ATAD2: variants seen among roughly 807,000 people sequenced by gnomAD.
ATAD2 encodes ATPase family AAA domain containing 2.
In ATAD2, 62 loss-of-function variants were observed where a neutral mutation model predicts 168.9. The observed-to-expected ratio is 0.37, with a 90% confidence interval of 0.30 to 0.45. The LOEUF is 0.45. Among genes scored for constraint, ATAD2 ranks in the 20% least tolerant of loss-of-function variants. The pLI, the probability that ATAD2 is intolerant of heterozygous loss-of-function variation, is 1.00. For synonymous variants in ATAD2, 613 were observed against 571.6 expected, an observed-to-expected ratio of 1.07 and a Z score of -1.03; for missense variants, 1,419 against 1,667.8, an observed-to-expected ratio of 0.85 and a Z score of 2.60.
chr8:123,352,364 A>G (rs959083822), intron 13 of ATAD2: 4 of 154,016 alleles, frequency 2.6e-5, no homozygotes, highest in African/African-American at 9.6e-5. Context: ...AGTACCACCT[A>G]TGGAAGAAGC....
At chr8:123,348,414 C>T (rs1828326185) in intron 14 of ATAD2, 141 bp from the exon 15 acceptor site, 3 of 577,048 alleles carry the variant, frequency 5.2e-6, no homozygotes, top group African/African-American at 2.0e-5. Flanking sequence ...CGGTGGCTCA[C>T]ACCTGTAATC....
At chr8:123,404,967 A>G (rs1237024008) in intron 1 of ATAD2, among the ~76,000 whole-genome samples, 1 of 152,186 alleles carries the variant, frequency 6.6e-6, no homozygotes, top group Admixed American at 6.5e-5. Flanking sequence ...TCACATTCAC[A>G]CATAAGAGGG....
intron 1 of ATAD2, among the ~76,000 whole-genome samples, chr8:123,389,960 T>TTATATATATATATATATATATATA (rs386360951): frequency 1.6e-4 from 15 of 94,046 alleles, no homozygotes; most frequent in Non-Finnish European, 1.9e-4. Context: ...TACTATTATT[T>TTATATATATATATATATATATATA]TATATATATA....
intron 1 of ATAD2, among the ~76,000 whole-genome samples, chr8:123,392,029 C>T (rs1829837983): frequency 6.6e-6 from 1 of 152,172 alleles, no homozygotes; most frequent in Admixed American, 6.5e-5. Context: ...TCTAATTGCT[C>T]AACCACCATA....
intron 1 of ATAD2, among the ~76,000 whole-genome samples, chr8:123,391,574 A>C (rs1160399531): frequency 6.6e-6 from 1 of 150,602 alleles, no homozygotes; most frequent in Non-Finnish European, 1.5e-5. Context: ...AAATGTAACC[A>C]CCCATAAAAG....
chr8:123,377,091 C>CAAAAAAAAAAAAAAAAAAAAA lies in ATAD2; in HGVS notation c.320+3417_320+3437dup. Among the ~76,000 whole-genome samples, 71 of 27,246 alleles carry CAAAAAAAAAAAAAAAAAAAAA rather than the reference C, an allele frequency of 2.6e-3. 22 individuals carry two copies. The highest frequency in any genetic ancestry group is 0.01 in the African/African-American group (59 of 5,796). 17.9% of individuals were successfully genotyped at this position (27,246 alleles called of 152,430 possible). ...GGGCAAAAAGAGTGAGACTCCGTCT[C>CAAAAAAAAAAAAAAAAAAAAA]AAAAAAAAAAAAAAAAAAAAAGAGC... is the stretch of plus-strand genomic sequence containing the variant. On this transcript the variant is annotated intron_variant, in intron 2 of 27. Transcript: ENST00000287394.
rs1586864077 is a variant in ATAD2, at chr8:123,339,501, T to TA, written c.2719-56dup. The TA allele has an allele frequency of 3.5e-6, 5 of 1,448,238 alleles. No individual in the cohort carries two copies. In the East Asian group the frequency reaches 1.2e-4, roughly 35 times the overall value. The allele number at this position is 1,448,238 out of a possible 1,614,324, so 89.7% of individuals were successfully genotyped here. A position where few individuals can be genotyped will look rare whatever the true frequency, so the allele number is the denominator to read the frequency against. ...TCATATATACAGATGATCCCCAACT[T>TA]ACAATGGTTCAATTTACAATTTTTA... On this transcript the variant is annotated intron_variant, in intron 19 of 27. Transcript: ENST00000287394.
At chr8:123,380,501 G>A in intron 2 of ATAD2, 28 bp downstream of exon 2, 1 of 1,606,888 alleles carries the variant, frequency 6.2e-7, no homozygotes. Flanking sequence ...AAACTATTTT[G>A]AATTAGTGTT....
chr8:123,376,169 G>T (rs891608462), intron 2 of ATAD2, among the ~76,000 whole-genome samples: 3 of 151,950 alleles, frequency 2.0e-5, no homozygotes, highest in Non-Finnish European at 4.4e-5. Context: ...ACTTTGGGAG[G>T]CCTAGACGGG....
chr8:123,371,256 C>T lies in ATAD2; in HGVS notation c.619G>A (p.Val207Met). 6.2e-7 allele frequency: 1 copy of T among 1,607,896 alleles called. No individual in the cohort carries two copies. The highest frequency in any genetic ancestry group is 1.3e-5 in the African/African-American group (1 of 74,852). ...TTTACTTCTTCTGTTTCATTAAACA[C>T]TCCCAAGTCTTCAAGTTCTCTCATT... Reference protein sequence around the residue: ...QRMRELEDLGVFNETEESNLN... With the variant: ...QRMRELEDLGMFNETEESNLN... The change falls in exon 5 of 28, where the codon GTG (valine) becomes ATG (methionine). Residue 207 changes from valine to methionine, a missense_variant. Coordinates refer to ENST00000287394, the MANE Select transcript of ATAD2 (RefSeq NM_014109.4).
chr8:123,373,846 T>C (rs1309214368), intron 2 of ATAD2, among the ~76,000 whole-genome samples: 1 of 151,938 alleles, frequency 6.6e-6, no homozygotes, highest in Non-Finnish European at 1.5e-5. Flanking sequence ...CATTAATTTG[T>C]TTTTAGTGAC....
intron 13 of ATAD2, among the ~76,000 whole-genome samples, chr8:123,351,186 G>A (rs947802526): frequency 6.6e-6 from 1 of 152,114 alleles, no homozygotes; most frequent in Admixed American, 6.6e-5. Flanking sequence ...TTTCGGTCAG[G>A]TGTTAACAGC....
chr8:123,338,822 C>T (rs545966825), intron 20 of ATAD2, among the ~76,000 whole-genome samples: 4 of 152,186 alleles, frequency 2.6e-5, no homozygotes, highest in African/African-American at 9.6e-5. Flanking sequence ...TGCTTGAGCC[C>T]AGGAGGTTGA....
chr8:123,372,896 T>C (rs1020846723), intron 2 of ATAD2, among the ~76,000 whole-genome samples: 9 of 150,436 alleles, frequency 6.0e-5, no homozygotes, highest in Non-Finnish European at 1.0e-4. Context: ...AGCTAACTTT[T>C]TTTTTTTTTT....
chr8:123,393,574 T>C (rs1405360059), intron 1 of ATAD2, among the ~76,000 whole-genome samples: 2 of 151,740 alleles, frequency 1.3e-5, no homozygotes, highest in East Asian at 1.9e-4. Context: ...ATAATATATA[T>C]ATCAAACAGT....
At chr8:123,375,009 T>TA (rs766616185) in intron 2 of ATAD2, among the ~76,000 whole-genome samples, 3 of 150,088 alleles carry the variant, frequency 2.0e-5, no homozygotes, top group African/African-American at 7.4e-5. Context: ...AAACAAAGAG[T>TA]AAAAAAAAGA....
intron 8 of ATAD2, among the ~76,000 whole-genome samples, chr8:123,363,920 T>C (rs1019819216): frequency 1.3e-5 from 2 of 152,220 alleles, no homozygotes; most frequent in East Asian, 3.8e-4. Flanking sequence ...CAAACCTATA[T>C]GTTTATTCAA....
At chr8:123,379,485 G>A (rs765277972) in intron 2 of ATAD2, among the ~76,000 whole-genome samples, 1 of 151,980 alleles carries the variant, frequency 6.6e-6, no homozygotes, top group Non-Finnish European at 1.5e-5. Flanking sequence ...TCCTACGTCA[G>A]CTAACCTTGT....
At chr8:123,361,745 A>T in intron 8 of ATAD2, 99 bp from the exon 9 acceptor site, 1 of 919,150 alleles carries the variant, frequency 1.1e-6, no homozygotes. Context: ...CAAAAAGTTT[A>T]TCATAAAATT....
Sources: allele counts gnomAD v4.1 joint callset (sites outside exome capture counted in the v4.1 genomes callset), GRCh38; gene constraint gnomAD v4.1.1; transcripts MANE v1.5; gene names NCBI Gene and HGNC (gene_info 2026-07-23, HGNC 2026-07-21).